The following TENM3 variants were observed in gnomAD, a reference collection of about 807,000 sequenced individuals.
TENM3 encodes teneurin-3.
TENM3 carries 63 observed loss-of-function variants against 255.1 expected under a neutral mutation model. The ratio of observed to expected loss-of-function variants is 0.25; its 90% CI spans 0.20 to 0.30. The LOEUF (loss-of-function observed/expected upper bound fraction) is 0.30, where lower values mean the gene tolerates loss of function less well. Among genes scored for constraint, TENM3 ranks in the 10% least tolerant of loss-of-function variants. TENM3 has a pLI of 1.00. For synonymous variants in TENM3, 1,306 were observed against 1,322.3 expected, an observed-to-expected ratio of 0.99 and a Z score of 0.27; for missense variants, 2,929 against 3,461.1, an observed-to-expected ratio of 0.85 and a Z score of 3.86.
the TENM3 span, among the ~76,000 whole-genome samples, chr4:181,570,131 C>T: frequency 6.6e-6 from 1 of 150,996 alleles, no homozygotes; most frequent in Non-Finnish European, 1.5e-5. Flanking sequence ...CTGCAAGCTC[C>T]GCCTCCCGGG....
chr4:182,342,542 A>G (rs1222447833), intron 2 of TENM3, among the ~76,000 whole-genome samples: 1 of 152,188 alleles, frequency 6.6e-6, no homozygotes, highest in Non-Finnish European at 1.5e-5. Flanking sequence ...ATGTTCTAAA[A>G]TTAATTGTGC....
rs1368258702 is a variant in TENM3, at chr4:182,172,836, G to A, written c.-76+28082G>A. Among the ~76,000 whole-genome samples the A allele has an allele frequency of 5.3e-5, 8 of 152,068 alleles. No individual in the cohort carries two copies. The East Asian group carries it at 5.8e-4, about 11-fold the overall frequency. ...AAGATCTTGTATTAAAATATACAGA[G>A]TTTAGTTTCAAAGTAATAGTAGTGA... On this transcript the variant is annotated intron_variant, in intron 1 of 2. Transcript: ENST00000512480.
At chr4:181,710,982 A>G in the TENM3 span, among the ~76,000 whole-genome samples, 1 of 152,132 alleles carries the variant, frequency 6.6e-6, no homozygotes, top group Non-Finnish European at 1.5e-5. Context: ...ACTTTTAAAT[A>G]TAATGTATAT....
the TENM3 span, among the ~76,000 whole-genome samples, chr4:181,630,699 A>G: frequency 6.6e-6 from 1 of 152,174 alleles, no homozygotes. Context: ...CTGCGGTCTG[A>G]GAAACAGTTT....
At chr4:181,661,647 G>GA in the TENM3 span, among the ~76,000 whole-genome samples, 2 of 152,106 alleles carry the variant, frequency 1.3e-5, no homozygotes, top group Admixed American at 6.6e-5. Context: ...TTAAAATTCA[G>GA]AAAAATGATT....
chr4:181,619,250 G>A, the TENM3 span, among the ~76,000 whole-genome samples: 563 of 152,048 alleles, frequency 3.7e-3, 6 homozygotes, highest in African/African-American at 0.013. Context: ...CTTAGGGCTG[G>A]TTTCCCCAAG....
chr4:182,066,255 T>C, the TENM3 span, among the ~76,000 whole-genome samples: 1 of 145,930 alleles, frequency 6.9e-6, no homozygotes, highest in African/African-American at 2.8e-5. Flanking sequence ...GACGTCAACC[T>C]TTTTTTTATG....
chr4:182,122,795 C>A, the TENM3 span, among the ~76,000 whole-genome samples: 1 of 152,186 alleles, frequency 6.6e-6, no homozygotes, highest in South Asian at 2.1e-4. Context: ...AGCTTCAAAG[C>A]CAGGCACTGA....
At chr4:182,109,554 G>T in the TENM3 span, among the ~76,000 whole-genome samples, 1,631 of 152,136 alleles carry the variant, frequency 0.011, 18 homozygotes, top group Middle Eastern at 0.024. Flanking sequence ...AATGCATTTT[G>T]GCATAAAAAT....
At chr4:181,921,090 T>C in the TENM3 span, among the ~76,000 whole-genome samples, 3 of 152,228 alleles carry the variant, frequency 2.0e-5, no homozygotes, top group African/African-American at 7.2e-5. Context: ...TCCATTCATC[T>C]ATGTCTCTGT....
At chr4:182,126,433 A>G in the TENM3 span, among the ~76,000 whole-genome samples, 1 of 152,216 alleles carries the variant, frequency 6.6e-6, no homozygotes, top group African/African-American at 2.4e-5. Context: ...CCGAGGAGTC[A>G]GGCTGAAAAC....
chr4:181,605,565 A>AG, the TENM3 span, among the ~76,000 whole-genome samples: 31 of 29,862 alleles, frequency 1.0e-3, 5 homozygotes, highest in African/African-American at 2.0e-3. Context: ...AAAGAAAGAA[A>AG]GAAAGAGAGA....
chr4:182,037,150 AT>A, the TENM3 span, among the ~76,000 whole-genome samples: 173 of 144,650 alleles, frequency 1.2e-3, 2 homozygotes, highest in African/African-American at 3.7e-3. Flanking sequence ...AACTCCTTTT[AT>A]TTTTTTTTTT....
chr4:181,563,329 C>G, the TENM3 span, among the ~76,000 whole-genome samples: 1 of 152,140 alleles, frequency 6.6e-6, no homozygotes, highest in African/African-American at 2.4e-5. Context: ...TTCATCTGTA[C>G]TAGGTTTTCT....
At position 182,391,294 on chromosome 4, in the gene TENM3, A is replaced by T. The variant is rs75124681; in HGVS notation, c.511+44365A>T. On this transcript the variant is annotated intron_variant, in intron 3 of 27. Coordinates refer to ENST00000511685, the MANE Select transcript of TENM3 (RefSeq NM_001080477.4). ...GATTAGGAAGCTGAGGCCCAGATAA[A>T]TTAACTAATTTATCCAGAGTTGCAT... Among the ~76,000 whole-genome samples, 903 of 152,310 alleles carry T rather than the reference A, an allele frequency of 5.9e-3. 12 individuals carry two copies. The highest frequency in any genetic ancestry group is 0.021 in the African/African-American group (860 of 41,562).
At chr4:181,762,536 C>A in the TENM3 span, among the ~76,000 whole-genome samples, 1 of 152,100 alleles carries the variant, frequency 6.6e-6, no homozygotes, top group Non-Finnish European at 1.5e-5. Flanking sequence ...TTGCTTTAGG[C>A]AAGCAGGTCA....
At chr4:181,578,221 T>C in the TENM3 span, among the ~76,000 whole-genome samples, 1 of 106,424 alleles carries the variant, frequency 9.4e-6, no homozygotes, top group Non-Finnish European at 1.9e-5. Flanking sequence ...GTGGGGAAGA[T>C]GTCTTTCCTT....
intron 1 of TENM3, among the ~76,000 whole-genome samples, chr4:182,228,664 G>A (rs1224313455): frequency 6.6e-6 from 1 of 152,036 alleles, no homozygotes; most frequent in Non-Finnish European, 1.5e-5. Flanking sequence ...ATAGCATCAA[G>A]AAAGTTCGTT....
chr4:182,742,411 T>C (rs1159838656), intron 18 of TENM3, among the ~76,000 whole-genome samples: 2 of 152,246 alleles, frequency 1.3e-5, no homozygotes, highest in East Asian at 1.9e-4. Flanking sequence ...AGTTTTGTTA[T>C]GTTCGACATT....
Sources: gnomAD v4.1 joint callset for allele counts (sites outside exome capture counted in the v4.1 genomes callset) on GRCh38, gnomAD v4.1.1 for gene constraint, MANE v1.5 for transcripts, NCBI Gene and HGNC (gene_info 2026-07-23, HGNC 2026-07-21) for gene names.